SH3PXD2B: variants seen among roughly 807,000 people sequenced by gnomAD.
SH3PXD2B encodes the protein SH3 and PX domain-containing protein 2B.
A neutral mutation model predicts 73.1 loss-of-function variants in SH3PXD2B; 37 were observed. The ratio of observed to expected loss-of-function variants is 0.51; its 90% CI spans 0.39 to 0.67. The LOEUF is 0.67. Among genes scored for constraint, SH3PXD2B ranks in the 30% least tolerant of loss-of-function variants. SH3PXD2B has a pLI of 0.00. For missense variants in SH3PXD2B, 1,053 were observed against 1,197.8 expected, an observed-to-expected ratio of 0.88 and a Z score of 1.78; for synonymous variants, 457 against 480.5, an observed-to-expected ratio of 0.95 and a Z score of 0.64.
intron 1 of SH3PXD2B, among the ~76,000 whole-genome samples, chr5:172,443,252 C>T (rs752867643): frequency 3.3e-4 from 50 of 152,190 alleles, no homozygotes; most frequent in Non-Finnish European, 6.3e-4. Context: ...ATAAGGGAAT[C>T]GCTATTTGTG....
At chr5:172,328,142 G>T (rs1335674358) in intron 12 of SH3PXD2B, among the ~76,000 whole-genome samples, 56 of 141,530 alleles carry the variant, frequency 4.0e-4, no homozygotes, top group African/African-American at 1.5e-3. Flanking sequence ...TTTTTGAGAT[G>T]GAGTCTCACT....
At chr5:172,444,340 T>C (rs1759613640) in intron 1 of SH3PXD2B, among the ~76,000 whole-genome samples, 2 of 152,188 alleles carry the variant, frequency 1.3e-5, no homozygotes, top group African/African-American at 4.8e-5. Context: ...GTGCTGAGCT[T>C]TCCCCCTGAT....
chr5:172,343,999 A>C (rs976581356), intron 12 of SH3PXD2B, among the ~76,000 whole-genome samples: 1 of 152,032 alleles, frequency 6.6e-6, no homozygotes, highest in Admixed American at 6.6e-5. Context: ...CTAACCAACC[A>C]ACCCTATGAT....
At chr5:172,419,669 C>T (rs1267472112) in intron 2 of SH3PXD2B, among the ~76,000 whole-genome samples, 1 of 152,204 alleles carries the variant, frequency 6.6e-6, no homozygotes, top group Admixed American at 6.5e-5. Flanking sequence ...AGGCTGGCTG[C>T]ATTTTCTGCT....
At chr5:172,424,147 C>A (rs1429454701) in intron 1 of SH3PXD2B, among the ~76,000 whole-genome samples, 1 of 152,210 alleles carries the variant, frequency 6.6e-6, no homozygotes, top group African/African-American at 2.4e-5. Flanking sequence ...CCTGGACTGT[C>A]CAGTTTCCTG....
intron 1 of SH3PXD2B, among the ~76,000 whole-genome samples, chr5:172,429,007 G>A (rs375785079): frequency 6.6e-6 from 1 of 152,198 alleles, no homozygotes; most frequent in African/African-American, 2.4e-5. Flanking sequence ...GCCAATGAAC[G>A]CTTTACTGAA....
intron 4 of SH3PXD2B, among the ~76,000 whole-genome samples, chr5:172,383,852 C>CTT (rs113181175): frequency 3.0e-5 from 4 of 135,300 alleles, no homozygotes; most frequent in African/African-American, 1.0e-4. Flanking sequence ...TTCTTTCTTT[C>CTT]TTTTTTTTTT....
intron 1 of SH3PXD2B, among the ~76,000 whole-genome samples, chr5:172,451,516 A>C (rs1490977881): frequency 6.6e-6 from 1 of 152,318 alleles, no homozygotes; most frequent in East Asian, 1.9e-4. Flanking sequence ...CCCTGAAACA[A>C]AGAATGATCC....
intron 4 of SH3PXD2B, among the ~76,000 whole-genome samples, chr5:172,382,887 C>T (rs975253535): frequency 1.3e-5 from 2 of 149,974 alleles, no homozygotes; most frequent in African/African-American, 5.0e-5. Flanking sequence ...TGCTACCATG[C>T]CTGGCTAATT....
At chr5:172,350,259 G>A in intron 10 of SH3PXD2B, 104 bp downstream of exon 10, 3 of 1,109,192 alleles carry the variant, frequency 2.7e-6, no homozygotes. Context: ...GGATGGGGGA[G>A]CAGCTGGGCT....
chr5:172,382,699 A>G (rs1348970531), intron 4 of SH3PXD2B, among the ~76,000 whole-genome samples: 1 of 152,148 alleles, frequency 6.6e-6, no homozygotes, highest in Non-Finnish European at 1.5e-5. Flanking sequence ...TCACTTAGCT[A>G]TAAATTGTCA....
chr5:172,403,953 G>A (rs566327775), intron 3 of SH3PXD2B, among the ~76,000 whole-genome samples: 11 of 152,320 alleles, frequency 7.2e-5, no homozygotes, highest in East Asian at 5.8e-4. Flanking sequence ...GGGGGATGTC[G>A]CTTGCTTGAG....
intron 6 of SH3PXD2B, among the ~76,000 whole-genome samples, 180 bp from the exon 7 acceptor site, chr5:172,363,049 T>C (rs539935307): frequency 6.6e-6 from 1 of 152,176 alleles, no homozygotes; most frequent in Non-Finnish European, 1.5e-5. Context: ...ACCACCAAAA[T>C]TGACCAAGTG....
Position 172,368,727 on chromosome 5 carries a change from A to G in SH3PXD2B, c.427+5063T>C, listed in dbSNP as rs1324255991. ...TATATATATTATATATATATAAAAT[A>G]TATATTTAATATATGTAATATATAT... On this transcript the variant is annotated intron_variant, in intron 6 of 12. Transcript: ENST00000311601. Among the ~76,000 whole-genome samples, 57 of 97,242 alleles carry G rather than the reference A, an allele frequency of 5.9e-4. 2 individuals are homozygous for G. Among genetic ancestry groups the G allele is most frequent in the African/African-American group, 2.4e-3 (54 of 22,578 alleles). 63.8% of individuals were successfully genotyped at this position (97,242 alleles called of 152,430 possible).
chr5:172,442,388 C>T (rs1030721608), intron 1 of SH3PXD2B, among the ~76,000 whole-genome samples: 6 of 152,076 alleles, frequency 3.9e-5, no homozygotes, highest in Admixed American at 6.6e-5. Context: ...CATGAGATGG[C>T]GGTCATTTCT....
intron 3 of SH3PXD2B, among the ~76,000 whole-genome samples, chr5:172,398,008 CA>C (rs1758343981): frequency 6.6e-6 from 1 of 152,212 alleles, no homozygotes; most frequent in African/African-American, 2.4e-5. Context: ...TTGGATTCAG[CA>C]GTGGCCGCTC....
In SH3PXD2B at chr5:172,333,691, CAA is replaced by C. The variant is rs768461050; in HGVS notation, c.*4676_*4677del. On this transcript the variant is annotated 3_prime_UTR_variant, in exon 13 of 13. Coordinates refer to ENST00000311601, the MANE Select transcript of SH3PXD2B (RefSeq NM_001017995.3). ...AACCACCACCGGAATGCCAATTTGC[CAA>C]GAGGGTAGAGTAAGTGTGGGGATCT... The C allele has an allele frequency of 4.7e-6, 6 of 1,289,258 alleles. No homozygotes were observed. In the South Asian group the frequency reaches 7.4e-5, roughly 16 times the overall value. 79.9% of individuals were successfully genotyped at this position (1,289,258 alleles called of 1,614,324 possible).
At chr5:172,407,759 T>C (rs1189633454) in intron 2 of SH3PXD2B, among the ~76,000 whole-genome samples, 1 of 152,114 alleles carries the variant, frequency 6.6e-6, no homozygotes, top group Non-Finnish European at 1.5e-5. Flanking sequence ...GGACCCGAAG[T>C]GGGAGAGAAC....
chr5:172,346,365 G>A, intron 11 of SH3PXD2B, 104 bp from the exon 12 acceptor site: 3 of 1,561,690 alleles, frequency 1.9e-6, no homozygotes, highest in Non-Finnish European at 2.6e-6. Context: ...CCCTTAAGGG[G>A]GTGCTGGGGA....
Sources: allele counts gnomAD v4.1 joint callset (sites outside exome capture counted in the v4.1 genomes callset), GRCh38; gene constraint gnomAD v4.1.1; transcripts MANE v1.5; gene names NCBI Gene and HGNC (gene_info 2026-07-23, HGNC 2026-07-21).